Variants in EPHA3 observed in about 807,000 individuals in gnomAD.
EPHA3 encodes EPH receptor A3.
Under a neutral mutation model 107.1 loss-of-function variants are expected in EPHA3, and 42 were observed. The observed-to-expected ratio is 0.39, with a 90% CI of 0.31 to 0.51. The LOEUF (loss-of-function observed/expected upper bound fraction) is 0.51, where lower values mean the gene tolerates loss of function less well. EPHA3 is among the 20% of genes least tolerant of loss of function. The pLI is 0.78. For synonymous variants in EPHA3, 461 were observed against 424.8 expected (o/e 1.09, Z -1.05); for missense variants, 1,183 against 1,211.2 (o/e 0.98, Z 0.35).
At chr3:89,177,950 A>G (rs115961910) in intron 2 of EPHA3, among the ~76,000 whole-genome samples, 2,591 of 152,292 alleles carry the variant, frequency 0.017, 25 homozygotes, top group Non-Finnish European at 0.023. Context: ...CTGAGTCACA[A>G]AGCAAAAATA....
chr3:89,442,413 C>A (rs1192547317), intron 13 of EPHA3, among the ~76,000 whole-genome samples: 1 of 152,088 alleles, frequency 6.6e-6, no homozygotes, highest in Non-Finnish European at 1.5e-5. Context: ...GATGATTGTA[C>A]AACATTTAAA....
chr3:89,172,055 C>T (rs1217092120), intron 2 of EPHA3, among the ~76,000 whole-genome samples: 7 of 151,964 alleles, frequency 4.6e-5, no homozygotes, highest in Admixed American at 3.9e-4. Context: ...TCCCCCACCA[C>T]CCCCTTTACG....
chr3:89,425,396 A>G (rs1329904359), intron 11 of EPHA3, among the ~76,000 whole-genome samples: 1 of 134,708 alleles, frequency 7.4e-6, no homozygotes, highest in Non-Finnish European at 1.6e-5. Context: ...TCAACTTTCC[A>G]TCTCCCGTTT....
chr3:89,268,920 C>T (rs1705598686), intron 3 of EPHA3, among the ~76,000 whole-genome samples: 2 of 151,320 alleles, frequency 1.3e-5, no homozygotes, highest in Non-Finnish European at 2.9e-5. Flanking sequence ...AAAACAACCT[C>T]AGGTCAAAGC....
chr3:89,109,561 G>A (rs1707052507), intron 1 of EPHA3, among the ~76,000 whole-genome samples: 1 of 151,736 alleles, frequency 6.6e-6, no homozygotes, highest in African/African-American at 2.4e-5. Flanking sequence ...CAGTATTTTT[G>A]TGGAAAACAA....
At chr3:89,204,608 A>ATGTGTGTGTGTGTGTGTGTG (rs71621535) in intron 2 of EPHA3, among the ~76,000 whole-genome samples, 5 of 148,658 alleles carry the variant, frequency 3.4e-5, no homozygotes, top group African/African-American at 9.9e-5. Flanking sequence ...CTGTGTGTAA[A>ATGTGTGTGTGTGTGTGTGTG]TGTGTGTGTG....
intron 2 of EPHA3, among the ~76,000 whole-genome samples, chr3:89,154,039 G>A (rs1034669588): frequency 6.6e-6 from 1 of 151,852 alleles, no homozygotes; most frequent in Non-Finnish European, 1.5e-5. Context: ...AAGCCATGAG[G>A]CCCCCCGACA....
intron 5 of EPHA3, among the ~76,000 whole-genome samples, chr3:89,391,614 T>C (rs1429681209): frequency 6.6e-6 from 1 of 151,404 alleles, no homozygotes; most frequent in Non-Finnish European, 1.5e-5. Context: ...TTTTTTTTTT[T>C]AGTAGAGATG....
intron 1 of EPHA3, among the ~76,000 whole-genome samples, chr3:89,110,076 T>C (rs1576154796): frequency 6.6e-6 from 1 of 152,004 alleles, no homozygotes; most frequent in African/African-American, 2.4e-5. Context: ...AGAAAGCAAT[T>C]CTTTTGAAAA....
chr3:89,299,332 A>G (rs1462076942), intron 3 of EPHA3, among the ~76,000 whole-genome samples: 1 of 152,020 alleles, frequency 6.6e-6, no homozygotes, highest in African/African-American at 2.4e-5. Flanking sequence ...CATTATATAA[A>G]TTTCCAGTAG....
intron 2 of EPHA3, among the ~76,000 whole-genome samples, chr3:89,200,149 C>A (rs1349142069): frequency 6.6e-6 from 1 of 152,016 alleles, no homozygotes; most frequent in Admixed American, 6.6e-5. Context: ...GCCTGATACA[C>A]AATATTCAAT....
intron 3 of EPHA3, among the ~76,000 whole-genome samples, chr3:89,308,757 G>A (rs1377597617): frequency 1.3e-5 from 2 of 152,054 alleles, no homozygotes; most frequent in African/African-American, 4.8e-5. Flanking sequence ...TAGTGGAAAG[G>A]TTTGTGTAAA....
intron 15 of EPHA3, among the ~76,000 whole-genome samples, chr3:89,471,404 T>C (rs1293323566): frequency 2.0e-5 from 3 of 152,220 alleles, no homozygotes; most frequent in African/African-American, 4.8e-5. Context: ...GTTTCGCTCC[T>C]GTTGCCCAGG....
At chr3:89,188,827 C>G (rs1036972097) in intron 2 of EPHA3, among the ~76,000 whole-genome samples, 2 of 152,172 alleles carry the variant, frequency 1.3e-5, no homozygotes, top group African/African-American at 2.4e-5. Context: ...CACTGTGTCC[C>G]TCTACCCTCC....
intron 2 of EPHA3, among the ~76,000 whole-genome samples, chr3:89,186,982 T>C (rs551745501): frequency 6.6e-6 from 1 of 152,188 alleles, no homozygotes; most frequent in South Asian, 2.1e-4. Flanking sequence ...CTTTTATGTT[T>C]CGTCTTCTAA....
chr3:89,341,059 A>C lies in EPHA3; in HGVS notation c.958A>C (p.Met320Leu). 1 of 1,613,660 alleles carries C rather than the reference A, an allele frequency of 6.2e-7. No individual in the cohort carries two copies. The highest frequency in any genetic ancestry group is 1.1e-5 in the South Asian group (1 of 90,980). ...YFRADKDPPS[M>L]ACTRPPSSPR... ...CCGGGCAGACAAAGACCCTCCATCC[A>C]TGGCTTGTACCCGTGAGTAGTTTTG... The change falls in exon 4 of 17, where the codon ATG (methionine) becomes CTG (leucine). Residue 320 changes from methionine (M) to leucine (L), a missense_variant. Met to Leu is a conservative substitution (Grantham distance 15). Coordinates refer to ENST00000336596, the MANE Select transcript of EPHA3 (RefSeq NM_005233.6).
Position 89,399,364 on chromosome 3 carries a change from A to C in EPHA3, c.1478A>C (p.Asn493Thr), listed in dbSNP as rs1438893531. 2 of 1,613,942 alleles carry C rather than the reference A, an allele frequency of 1.2e-6. No individual in the cohort carries two copies. Among genetic ancestry groups the C allele is most frequent in the South Asian group, 2.2e-5 (2 of 91,070 alleles). ...ACCATTCTGAGGGCAAGAGGCACAAATGTTACCATCAGTAGCCTCAAGCCT... is the reference window on the plus strand; with the variant it reads ...ACCATTCTGAGGGCAAGAGGCACAACTGTTACCATCAGTAGCCTCAAGCCT... ...SYTILRARGT[N>T]VTISSLKPDT... The change falls in exon 7 of 17, where the codon AAT becomes ACT. Residue 493 changes from asparagine (N) to threonine (T), a missense_variant. By Grantham distance (65) the Asn-to-Thr change is moderately conservative. Transcript: ENST00000336596.
Position 89,412,483 on chromosome 3 carries a change from T to C in EPHA3, c.1763-658T>C, listed in dbSNP as rs192058950. Among the ~76,000 whole-genome samples, 847 of 151,696 alleles carry C rather than the reference T, an allele frequency of 5.6e-3. 9 individuals carry two copies. Among genetic ancestry groups the C allele is most frequent in the African/African-American group, 0.019 (800 of 41,484 alleles). ...GCTATACAATATGATTATATTTAAC[T>C]GATACTATATTGGTGTGTATACATG... On this transcript the variant is annotated intron_variant, in intron 9 of 16. Transcript: ENST00000336596.
intron 5 of EPHA3, among the ~76,000 whole-genome samples, chr3:89,373,107 G>A (rs899161398): frequency 4.6e-5 from 7 of 151,568 alleles, no homozygotes; most frequent in Non-Finnish European, 1.0e-4. Context: ...TAGTTTTCAC[G>A]CCATAGAGTA....
Sources: gnomAD v4.1 joint callset for allele counts (sites outside exome capture counted in the v4.1 genomes callset) on GRCh38, gnomAD v4.1.1 for gene constraint, MANE v1.5 for transcripts, NCBI Gene and HGNC (gene_info 2026-07-23, HGNC 2026-07-21) for gene names.